Variants in PDE7B observed in about 807,000 individuals in gnomAD.
The protein encoded by PDE7B is phosphodiesterase 7B, also known as 3',5'-cyclic-AMP phosphodiesterase 7B.
PDE7B carries 29 observed loss-of-function variants against 56.2 expected under a neutral mutation model. The ratio of observed to expected loss-of-function variants is 0.52; its 90% CI spans 0.38 to 0.70. The LOEUF (loss-of-function observed/expected upper bound fraction) is 0.70. PDE7B is among the 30% of genes least tolerant of loss of function. PDE7B has a pLI of 0.00. For missense variants in PDE7B, 490 were observed against 565.0 expected, an observed-to-expected ratio of 0.87 and a Z score of 1.35; for synonymous variants, 197 against 196.9, an observed-to-expected ratio of 1.00 and a Z score of 0.00.
chr6:136,021,701 C>T (rs1776075610), intron 2 of PDE7B, among the ~76,000 whole-genome samples: 1 of 152,038 alleles, frequency 6.6e-6, no homozygotes, highest in African/African-American at 2.4e-5. Flanking sequence ...ACAGCTACCA[C>T]CCTAGCCAAT....
chr6:136,010,165 C>T (rs1775866834), intron 2 of PDE7B, among the ~76,000 whole-genome samples: 1 of 152,128 alleles, frequency 6.6e-6, no homozygotes, highest in Non-Finnish European at 1.5e-5. Context: ...TTCTCTCTTA[C>T]TTATCCAAAA....
chr6:135,931,945 ACGCG>A (rs35929261), intron 1 of PDE7B, among the ~76,000 whole-genome samples: 4,563 of 83,970 alleles, frequency 0.054, 87 homozygotes, highest in African/African-American at 0.11. Context: ...GCACACACAC[ACGCG>A]CGCGCACACA....
At chr6:136,030,407 G>A (rs1441218928) in intron 2 of PDE7B, among the ~76,000 whole-genome samples, 1 of 152,216 alleles carries the variant, frequency 6.6e-6, no homozygotes, top group Non-Finnish European at 1.5e-5. Context: ...AAAGAATGCA[G>A]CCTATTGCAA....
chr6:135,900,517 C>T (rs916677981), intron 1 of PDE7B, among the ~76,000 whole-genome samples: 4 of 151,996 alleles, frequency 2.6e-5, no homozygotes, highest in African/African-American at 9.7e-5. Flanking sequence ...ATTGCACTTA[C>T]AGTTTTCTTT....
At chr6:136,154,748 C>T (rs548927131) in intron 7 of PDE7B, among the ~76,000 whole-genome samples, 19 of 152,330 alleles carry the variant, frequency 1.2e-4, no homozygotes, top group East Asian at 1.9e-4. Flanking sequence ...ATGCTCAATA[C>T]TCAACATTCA....
intron 8 of PDE7B, among the ~76,000 whole-genome samples, chr6:136,169,398 G>C (rs373622020): frequency 3.1e-4 from 47 of 152,192 alleles, no homozygotes; most frequent in South Asian, 2.3e-3. Context: ...CAATTTTCTA[G>C]CATTTCCCTG....
At chr6:135,892,023 T>A (rs531270517) in intron 1 of PDE7B, among the ~76,000 whole-genome samples, 1 of 152,148 alleles carries the variant, frequency 6.6e-6, no homozygotes, top group African/African-American at 2.4e-5. Context: ...TTTAATTATA[T>A]CCATATGGAT....
chr6:136,041,008 A>G (rs561762287), intron 2 of PDE7B, among the ~76,000 whole-genome samples: 1 of 152,312 alleles, frequency 6.6e-6, no homozygotes, highest in East Asian at 1.9e-4. Flanking sequence ...TTGCTGTGCT[A>G]GTAACTAAAA....
chr6:136,090,229 G>C (rs1562490374), intron 2 of PDE7B, among the ~76,000 whole-genome samples: 1 of 152,152 alleles, frequency 6.6e-6, no homozygotes, highest in Non-Finnish European at 1.5e-5. Context: ...GCTGAACTGT[G>C]GAGCATCACG....
intron 8 of PDE7B, among the ~76,000 whole-genome samples, chr6:136,158,604 G>C (rs1177286259): frequency 6.6e-6 from 1 of 152,146 alleles, no homozygotes. Flanking sequence ...TCTACCCTGA[G>C]ATAAAGAGAG....
chr6:136,178,433 A>G (rs1393812051), intron 9 of PDE7B, among the ~76,000 whole-genome samples: 1 of 152,068 alleles, frequency 6.6e-6, no homozygotes, highest in African/African-American at 2.4e-5. Context: ...TCTCTATACC[A>G]TTTGTTGACT....
intron 2 of PDE7B, among the ~76,000 whole-genome samples, chr6:135,950,906 C>T (rs923999760): frequency 3.9e-5 from 6 of 152,102 alleles, no homozygotes; most frequent in Admixed American, 3.9e-4. Flanking sequence ...TAAAATTCAC[C>T]TCGAGTTACT....
intron 3 of PDE7B, among the ~76,000 whole-genome samples, chr6:136,133,571 T>C (rs887254075): frequency 1.5e-4 from 23 of 152,174 alleles, no homozygotes; most frequent in African/African-American, 5.3e-4. Context: ...TGTACTACAA[T>C]AGACAGAAGA....
intron 2 of PDE7B, chr6:136,071,178 C>T (rs1054107747): frequency 6.6e-6 from 1 of 152,170 alleles, no homozygotes; most frequent in Non-Finnish European, 1.5e-5. Context: ...ATCTGTATTT[C>T]AGTTACAGGC....
chr6:135,960,474 T>C (rs562185524), intron 2 of PDE7B, among the ~76,000 whole-genome samples: 1 of 152,332 alleles, frequency 6.6e-6, no homozygotes, highest in East Asian at 1.9e-4. Context: ...TGTAAGCTTA[T>C]ATTTACCAGT....
intron 8 of PDE7B, among the ~76,000 whole-genome samples, chr6:136,157,066 AAAG>A (rs1485934640): frequency 2.6e-5 from 4 of 152,208 alleles, no homozygotes; most frequent in Non-Finnish European, 5.9e-5. Context: ...TTTTCCACAG[AAAG>A]AAGAATTGAT....
chr6:135,928,501 T>TTATATATATATA (rs199760999), intron 1 of PDE7B, among the ~76,000 whole-genome samples: 1 of 94,652 alleles, frequency 1.1e-5, no homozygotes, highest in Non-Finnish European at 2.0e-5. Context: ...ATATATATAT[T>TTATATATATATA]TATATATATA....
At chr6:135,928,388 C>T (rs1212284530) in intron 1 of PDE7B, among the ~76,000 whole-genome samples, 1 of 143,218 alleles carries the variant, frequency 7.0e-6, no homozygotes, top group Non-Finnish European at 1.5e-5. Context: ...CAGAATCAAC[C>T]TAGATGTCCA....
At chr6:136,125,385 G>A (rs918697356) in intron 3 of PDE7B, among the ~76,000 whole-genome samples, 3 of 152,016 alleles carry the variant, frequency 2.0e-5, no homozygotes, top group Admixed American at 2.0e-4. Flanking sequence ...ATCAGCCTGG[G>A]AAAAGACATC....
Sources: gnomAD v4.1 joint callset for allele counts (sites outside exome capture counted in the v4.1 genomes callset) on GRCh38, gnomAD v4.1.1 for gene constraint, MANE v1.5 for transcripts, NCBI Gene and HGNC (gene_info 2026-07-23, HGNC 2026-07-21) for gene names.